Variants in CRB1 observed in about 807,000 individuals in gnomAD.
The protein encoded by CRB1 is protein crumbs homolog 1.
A neutral mutation model predicts 120.0 loss-of-function variants in CRB1; 83 were observed. The ratio of observed to expected loss-of-function variants is 0.69; its 90% CI spans 0.58 to 0.83. The LOEUF (loss-of-function observed/expected upper bound fraction) is 0.83, where lower values mean the gene tolerates loss of function less well. Among genes scored for constraint, CRB1 ranks in the 40% least tolerant of loss-of-function variants. CRB1 has a pLI of 0.00. For missense variants in CRB1, 1,699 were observed against 1,687.6 expected, an observed-to-expected ratio of 1.01 and a Z score of -0.12; for synonymous variants, 625 against 612.5, an observed-to-expected ratio of 1.02 and a Z score of -0.30.
At chr1:197,335,674 A>G (rs927537095) in intron 2 of CRB1, among the ~76,000 whole-genome samples, 5 of 151,932 alleles carry the variant, frequency 3.3e-5, no homozygotes, top group African/African-American at 9.7e-5. Flanking sequence ...AATTTTTTGC[A>G]TTTTTAGTAG....
intron 1 of CRB1, among the ~76,000 whole-genome samples, chr1:197,313,983 T>G (rs967342420): frequency 2.4e-4 from 36 of 152,326 alleles, no homozygotes; most frequent in Middle Eastern, 6.8e-3. Context: ...ACTAGCACAG[T>G]TAAAACCAGT....
chr1:197,209,667 A>T, the CRB1 span, among the ~76,000 whole-genome samples: 1 of 152,110 alleles, frequency 6.6e-6, no homozygotes, highest in African/African-American at 2.4e-5. Context: ...GTCTTTTCCC[A>T]GTTCCCCTGG....
At chr1:197,443,612 A>C (rs924722507) in intron 11 of CRB1, 3 of 151,918 alleles carry the variant, frequency 2.0e-5, no homozygotes, top group Non-Finnish European at 4.4e-5. Flanking sequence ...ATTTGCAAGT[A>C]AATTTATTTT....
the CRB1 span, among the ~76,000 whole-genome samples, chr1:197,214,000 G>A: frequency 6.6e-6 from 1 of 151,922 alleles, no homozygotes; most frequent in Admixed American, 6.6e-5. Context: ...TAAGCCTAAG[G>A]TTAGTTTGGG....
At position 197,309,458 on chromosome 1, in the gene CRB1, T is replaced by C. The variant is rs192040109; in HGVS notation, c.71-18964T>C. ...TAAGTATAACACTGGAATCCACATA[T>C]TTAGAGAAATTTACGGCCAGGCGCT... On this transcript the variant is annotated intron_variant, in intron 1 of 11. Transcript: ENST00000367400. 8.9e-4 allele frequency among the ~76,000 whole-genome samples: 136 copies of C among 152,250 alleles called. 1 individual carries two copies. The East Asian group carries it at 0.017, about 19-fold the overall frequency.
In CRB1 at chr1:197,421,036, C is replaced by T; in HGVS notation, c.1208C>T (p.Ser403Leu). 1 of 1,613,946 alleles carries T rather than the reference C, an allele frequency of 6.2e-7. No homozygotes were observed. Among genetic ancestry groups the T allele is most frequent in the Non-Finnish European group, 8.5e-7 (1 of 1,179,804 alleles). The change falls in exon 6 of 12, where the codon TCA becomes TTA. Residue 403 changes from serine (S) to leucine (L), a missense_variant. Transcript: ENST00000367400. ...HCEEDVNECS[S>L]NPCQNGGTCE... The stretch of plus-strand genomic sequence containing the variant: ...GAAGAAGACGTCAATGAATGTTCTT[C>T]AAACCCTTGCCAAAATGGTGGTACT...
chr1:197,262,202 A>G, the CRB1 span, among the ~76,000 whole-genome samples: 1 of 152,174 alleles, frequency 6.6e-6, no homozygotes, highest in Non-Finnish European at 1.5e-5. Flanking sequence ...GTACATTAAT[A>G]TGACATCAAT....
chr1:197,369,360 C>T (rs973135550), intron 5 of CRB1, among the ~76,000 whole-genome samples: 1 of 152,056 alleles, frequency 6.6e-6, no homozygotes, highest in Non-Finnish European at 1.5e-5. Flanking sequence ...TGCATCCCCT[C>T]CCCAACCACC....
At chr1:197,403,970 T>C (rs1663199128) in intron 5 of CRB1, among the ~76,000 whole-genome samples, 2 of 152,208 alleles carry the variant, frequency 1.3e-5, no homozygotes, top group South Asian at 4.1e-4. Flanking sequence ...CGGTAGTTGG[T>C]AACCATCTGT....
At chr1:197,348,985 T>A (rs966467745) in intron 4 of CRB1, among the ~76,000 whole-genome samples, 4 of 152,322 alleles carry the variant, frequency 2.6e-5, no homozygotes, top group African/African-American at 9.6e-5. Flanking sequence ...TATACAATAA[T>A]GTTGTAGGCT....
At chr1:197,386,051 G>C (rs916753587) in intron 5 of CRB1, among the ~76,000 whole-genome samples, 1 of 151,692 alleles carries the variant, frequency 6.6e-6, no homozygotes, top group Non-Finnish European at 1.5e-5. Context: ...ATATGTCTAG[G>C]GGCTAAAACC....
At chr1:197,362,103 T>C (rs1464742950) in intron 5 of CRB1, among the ~76,000 whole-genome samples, 4 of 151,980 alleles carry the variant, frequency 2.6e-5, no homozygotes, top group African/African-American at 9.7e-5. Context: ...CTATGGATGA[T>C]TTAGAAATAA....
At chr1:197,352,237 CTATT>C (rs1485868930) in intron 4 of CRB1, among the ~76,000 whole-genome samples, 1 of 152,180 alleles carries the variant, frequency 6.6e-6, no homozygotes, top group Non-Finnish European at 1.5e-5. Flanking sequence ...CTGAAGGAGT[CTATT>C]TATATACATG....
intron 4 of CRB1, among the ~76,000 whole-genome samples, chr1:197,355,706 C>T (rs1037689364): frequency 1.3e-5 from 2 of 152,210 alleles, no homozygotes; most frequent in African/African-American, 2.4e-5. Context: ...GCCGGCAAGC[C>T]CACGCCCACC....
chr1:197,266,060 A>C (rs1437740092), upstream of CRB1, among the ~76,000 whole-genome samples: 1 of 152,188 alleles, frequency 6.6e-6, no homozygotes, highest in Non-Finnish European at 1.5e-5. Flanking sequence ...CAATATCAGA[A>C]TATTTCTAGT....
rs543488733 is a variant in CRB1 at position 197,476,647 on chromosome 1, A to C, written c.4006-1017A>C. On this transcript the variant is annotated intron_variant, in intron 11 of 11. Coordinates refer to ENST00000367400, the MANE Select transcript of CRB1 (RefSeq NM_201253.3). ...TAATTTAAACCAAGACACAGGGGAC[A>C]ATAAAAAGAGACTAAGGATAGAAAA... Among the ~76,000 whole-genome samples the C allele has an allele frequency of 3.9e-5, 6 of 152,258 alleles. No homozygotes were observed. The South Asian group carries it at 1.2e-3, about 32-fold the overall frequency.
At chr1:197,363,810 C>A in intron 5 of CRB1, 1 of 772,194 alleles carries the variant, frequency 1.3e-6, no homozygotes, top group East Asian at 2.5e-5. Flanking sequence ...GATTTAAACC[C>A]AAGTTCATGG....
intron 4 of CRB1, among the ~76,000 whole-genome samples, chr1:197,353,419 A>G (rs1571888089): frequency 6.6e-6 from 1 of 152,228 alleles, no homozygotes; most frequent in East Asian, 1.9e-4. Context: ...TACAAGTTTT[A>G]TAATTCTCAA....
chr1:197,270,656 C>G (rs1161584542), intron 1 of CRB1, among the ~76,000 whole-genome samples: 1 of 152,124 alleles, frequency 6.6e-6, no homozygotes, highest in Non-Finnish European at 1.5e-5. Context: ...ATAACCCTGT[C>G]AAGTAGAATT....
Sources: gnomAD v4.1 joint callset for allele counts (sites outside exome capture counted in the v4.1 genomes callset) on GRCh38, gnomAD v4.1.1 for gene constraint, MANE v1.5 for transcripts, NCBI Gene and HGNC (gene_info 2026-07-23, HGNC 2026-07-21) for gene names.